The following JARID2 variants were observed in gnomAD, a reference collection of about 807,000 sequenced individuals.
JARID2 encodes the protein jumonji and AT-rich interaction domain containing 2.
A neutral mutation model predicts 125.6 loss-of-function variants in JARID2; 21 were observed. That is an observed-to-expected ratio of 0.17 (90% CI 0.12 to 0.24). JARID2 has a LOEUF of 0.24. Ranked by LOEUF, JARID2 falls within the 10% of genes least tolerant of loss-of-function variation. The pLI is 1.00. For missense variants in JARID2, 1,303 were observed against 1,639.6 expected, an observed-to-expected ratio of 0.79 and a Z score of 3.55; for synonymous variants, 736 against 661.6, an observed-to-expected ratio of 1.11 and a Z score of -1.73.
intron 1 of JARID2, among the ~76,000 whole-genome samples, chr6:15,252,875 C>A (rs757652209): frequency 2.6e-4 from 39 of 152,078 alleles, no homozygotes; most frequent in Non-Finnish European, 4.7e-4. Context: ...GTCCATAAAC[C>A]TTTTCCATAC....
chr6:15,355,739 G>A (rs1169177915), intron 1 of JARID2, among the ~76,000 whole-genome samples: 3 of 152,096 alleles, frequency 2.0e-5, no homozygotes, highest in Non-Finnish European at 4.4e-5. Context: ...GGTCTCCAGA[G>A]GAGGTGGGAC....
chr6:15,273,722 A>G (rs866625109), intron 1 of JARID2, among the ~76,000 whole-genome samples: 1 of 152,176 alleles, frequency 6.6e-6, no homozygotes, highest in Non-Finnish European at 1.5e-5. Context: ...CAAACAAGCA[A>G]ACAAAACAGC....
intron 1 of JARID2, among the ~76,000 whole-genome samples, chr6:15,354,690 A>C (rs1763539618): frequency 6.6e-6 from 1 of 152,210 alleles, no homozygotes. Flanking sequence ...GGACTGTAAA[A>C]GTGTACAGTA....
At chr6:15,497,215 C>T in intron 7 of JARID2, 45 bp downstream of exon 7, 1 of 1,385,208 alleles carries the variant, frequency 7.2e-7, no homozygotes, top group Non-Finnish European at 9.8e-7. Context: ...GCCCTCCTGC[C>T]CCCAGATCCC....
At chr6:15,469,000 G>A (rs908319303) in intron 5 of JARID2, among the ~76,000 whole-genome samples, 1 of 152,148 alleles carries the variant, frequency 6.6e-6, no homozygotes, top group Admixed American at 6.5e-5. Flanking sequence ...TCTACATGGG[G>A]ATGGTCAAGA....
chr6:15,481,009 A>G (rs1769588435), intron 5 of JARID2, among the ~76,000 whole-genome samples: 1 of 152,252 alleles, frequency 6.6e-6, no homozygotes. Flanking sequence ...AGGAAAGTGT[A>G]TCTCTCTGCC....
intron 3 of JARID2, among the ~76,000 whole-genome samples, chr6:15,425,609 T>G (rs1033742801): frequency 9.2e-5 from 14 of 152,190 alleles, no homozygotes; most frequent in African/African-American, 3.4e-4. Context: ...AGGCCCCCTT[T>G]TGTCTCTCTT....
intron 1 of JARID2, among the ~76,000 whole-genome samples, chr6:15,359,197 G>A (rs948923842): frequency 3.9e-5 from 6 of 152,206 alleles, no homozygotes; most frequent in African/African-American, 1.4e-4. Context: ...ATAGCAGCAT[G>A]GTGTGACTCG....
chr6:15,375,392 A>G (rs562082941), intron 2 of JARID2, among the ~76,000 whole-genome samples: 1 of 152,346 alleles, frequency 6.6e-6, no homozygotes, highest in Admixed American at 6.5e-5. Context: ...TTGGAGGTCA[A>G]CCATTAAGGC....
chr6:15,419,393 A>G (rs922091000), intron 3 of JARID2, among the ~76,000 whole-genome samples: 8 of 152,240 alleles, frequency 5.3e-5, no homozygotes, highest in Non-Finnish European at 1.2e-4. Flanking sequence ...GTAAATATAA[A>G]GTAAATATGG....
intron 1 of JARID2, among the ~76,000 whole-genome samples, chr6:15,355,546 T>C (rs1445854018): frequency 6.6e-6 from 1 of 152,216 alleles, no homozygotes; most frequent in African/African-American, 2.4e-5. Flanking sequence ...AGATTCACTG[T>C]TGTAACCATT....
intron 1 of JARID2, among the ~76,000 whole-genome samples, chr6:15,362,507 G>A (rs760474603): frequency 6.6e-6 from 1 of 152,152 alleles, no homozygotes; most frequent in African/African-American, 2.4e-5. Flanking sequence ...TTGGACACGG[G>A]GTCTGACGAT....
At chr6:15,356,059 G>C (rs1446261032) in intron 1 of JARID2, among the ~76,000 whole-genome samples, 2 of 152,206 alleles carry the variant, frequency 1.3e-5, no homozygotes, top group African/African-American at 4.8e-5. Context: ...AGACTTCGTA[G>C]CAATGGAATC....
chr6:15,314,384 G>GC (rs1322313938), intron 1 of JARID2, among the ~76,000 whole-genome samples: 1 of 152,132 alleles, frequency 6.6e-6, no homozygotes, highest in African/African-American at 2.4e-5. Flanking sequence ...GAATCTTCTT[G>GC]CTTATAAATT....
chr6:15,294,848 C>G (rs1473153280), intron 1 of JARID2, among the ~76,000 whole-genome samples: 1 of 152,182 alleles, frequency 6.6e-6, no homozygotes, highest in Non-Finnish European at 1.5e-5. Context: ...AGGACTTTGT[C>G]TCCTGGAAGA....
intron 3 of JARID2, among the ~76,000 whole-genome samples, chr6:15,437,270 T>G (rs1403703337): frequency 6.6e-6 from 1 of 152,196 alleles, no homozygotes; most frequent in Non-Finnish European, 1.5e-5. Flanking sequence ...GTGACTGGAT[T>G]ATGTCGCACT....
At chr6:15,504,680 C>A in intron 9 of JARID2, 88 bp downstream of exon 9, 1 of 828,940 alleles carries the variant, frequency 1.2e-6, no homozygotes, top group Non-Finnish European at 2.1e-6. Flanking sequence ...CTGACCCCTG[C>A]AGCTCGGTGA....
chr6:15,249,122 T>A (rs1759333234), intron 1 of JARID2, among the ~76,000 whole-genome samples: 1 of 152,232 alleles, frequency 6.6e-6, no homozygotes, highest in African/African-American at 2.4e-5. Context: ...ATTACTAGCG[T>A]GGTGCATGTG....
At chr6:15,442,270 T>C (rs1767479757) in intron 3 of JARID2, among the ~76,000 whole-genome samples, 1 of 152,124 alleles carries the variant, frequency 6.6e-6, no homozygotes, top group African/African-American at 2.4e-5. Context: ...AAATGATATT[T>C]TAAAAACTAA....
Sources: gnomAD v4.1 joint callset for allele counts (sites outside exome capture counted in the v4.1 genomes callset) on GRCh38, gnomAD v4.1.1 for gene constraint, MANE v1.5 for transcripts, NCBI Gene and HGNC (gene_info 2026-07-23, HGNC 2026-07-21) for gene names.